The following CASP4 variants were observed in gnomAD, a reference collection of about 807,000 sequenced individuals.
CASP4 encodes caspase-4.
In CASP4, 29 loss-of-function variants were observed where a neutral mutation model predicts 41.3. The ratio of observed to expected loss-of-function variants is 0.70; its 90% CI spans 0.52 to 0.96. The LOEUF is 0.96. Ranked by LOEUF, CASP4 falls within the 40% of genes least tolerant of loss-of-function variation. The pLI is 0.00. For missense variants in CASP4, 447 were observed against 460.6 expected, an observed-to-expected ratio of 0.97 and a Z score of 0.27; for synonymous variants, 185 against 158.4, an observed-to-expected ratio of 1.17 and a Z score of -1.26.
chr11:104,954,244 G>C (rs933928352), intron 2 of CASP4, among the ~76,000 whole-genome samples: 1 of 152,152 alleles, frequency 6.6e-6, no homozygotes, highest in African/African-American at 2.4e-5. Flanking sequence ...TGAATATGTT[G>C]CTAGAGCTAA....
At chr11:104,962,097 C>T (rs554332449) in intron 1 of CASP4, among the ~76,000 whole-genome samples, 90 of 152,174 alleles carry the variant, frequency 5.9e-4, no homozygotes, top group Non-Finnish European at 9.8e-4. Context: ...AAATGGTTCC[C>T]CATGCAGCTG....
chr11:104,946,918 T>G (rs1860474178), intron 7 of CASP4, 165 bp downstream of exon 7: 1 of 546,948 alleles, frequency 1.8e-6, no homozygotes, highest in Non-Finnish European at 3.3e-6. Flanking sequence ...TGGGATATAT[T>G]GGAATTGTCT....
chr11:104,958,179 A>G (rs780235028), intron 1 of CASP4, among the ~76,000 whole-genome samples: 40 of 152,226 alleles, frequency 2.6e-4, no homozygotes, highest in Non-Finnish European at 4.9e-4. Flanking sequence ...CTGTGAAACT[A>G]CTAGAAGAAA....
chr11:104,948,648 G>A lies in CASP4; in HGVS notation c.810C>T (p.Asp270=), dbSNP rs377752984. 5 of 1,608,580 alleles carry A rather than the reference G, an allele frequency of 3.1e-6. No homozygotes were observed. The African/African-American group carries it at 5.3e-5, about 17-fold the overall frequency. ...AGGCCACTTCCAAGGATGCTGGAGA[G>A]TCTCTGACCCACAGTTCCCCACGGT... ...GANRGELWVR[D]SPASLEVASS... is the part of the protein sequence containing the mutation. Residue 270 remains aspartate (D), a synonymous_variant, in exon 6 of 9, where the codon GAC becomes GAT. Transcript: ENST00000444739.
In CASP4 at chr11:104,948,651, T is replaced by C. The variant is rs768988914; in HGVS notation, c.807A>G (p.Arg269=). Residue 269 remains arginine (R), a synonymous_variant, in exon 6 of 9, where the codon AGA becomes AGG. Transcript: ENST00000444739. ...CCACTTCCAAGGATGCTGGAGAGTCTCTGACCCACAGTTCCCCACGGTTTG... is the reference window on the plus strand; with the variant it reads ...CCACTTCCAAGGATGCTGGAGAGTCCCTGACCCACAGTTCCCCACGGTTTG... The part of the protein sequence containing the change: ...RGANRGELWV[R]DSPASLEVAS... The C allele has an allele frequency of 2.5e-6, 4 of 1,608,478 alleles. No individual in the cohort carries two copies. The highest frequency in any genetic ancestry group is 3.4e-6 in the Non-Finnish European group (4 of 1,176,450).
chr11:104,951,808 A>T, intron 3 of CASP4, 88 bp downstream of exon 3: 1 of 858,924 alleles, frequency 1.2e-6, no homozygotes, highest in South Asian at 1.4e-5. Flanking sequence ...CCCCACCCCC[A>T]ATCATTTAGT....
chr11:104,968,514 C>T lies in CASP4; in HGVS notation c.7+5G>A. ...TCCCAAACTCCTAGTCAGAAAAGGA[C>T]TCACCTGCCATAGGGAACAGCCTCT... is the stretch of plus-strand genomic sequence containing the variant. On this transcript the variant is annotated splice_donor_5th_base_variant and intron_variant, in intron 1 of 8. Coordinates refer to ENST00000444739, the MANE Select transcript of CASP4 (RefSeq NM_001225.4). 1.2e-6 allele frequency: 2 copies of T among 1,612,826 alleles called. No individual in the cohort carries two copies. The highest frequency in any genetic ancestry group is 1.7e-6 in the Non-Finnish European group (2 of 1,178,906).
chr11:104,947,256 TG>T (rs1174565752), intron 6 of CASP4, 64 bp from the exon 7 acceptor site: 131 of 1,011,746 alleles, frequency 1.3e-4, no homozygotes, highest in Non-Finnish European at 1.7e-4. Flanking sequence ...TTCATATTTT[TG>T]TTTTGAGAAT....
chr11:104,948,702 A>G (rs951282650), intron 5 of CASP4, 26 bp from the exon 6 acceptor site: 1 of 1,553,894 alleles, frequency 6.4e-7, no homozygotes, highest in Non-Finnish European at 8.7e-7. Context: ...CTTTCTGCAC[A>G]CTGCTGTGCC....
chr11:104,943,194 T>C, intron 8 of CASP4: 1 of 319,688 alleles, frequency 3.1e-6, no homozygotes, highest in Non-Finnish European at 6.1e-6. Flanking sequence ...AGGCTTCCTG[T>C]CTCGCTCAGA....
chr11:104,950,660 C>T (rs1476679477), intron 4 of CASP4, among the ~76,000 whole-genome samples: 1 of 152,044 alleles, frequency 6.6e-6, no homozygotes, highest in Non-Finnish European at 1.5e-5. Context: ...GGGGCTGCAT[C>T]CCAATCACAT....
At position 104,953,182 on chromosome 11, in the gene CASP4, T is replaced by G. The variant is rs571052412; in HGVS notation, c.263-1177A>C. 2.0e-5 allele frequency among the ~76,000 whole-genome samples: 3 copies of G among 152,246 alleles called. No homozygotes were observed. In the South Asian group the frequency reaches 6.2e-4, roughly 32 times the overall value. The stretch of plus-strand genomic sequence containing the variant: ...TAGTACATATTATACTGCAGACTGC[T>G]GCCCAAAGAGAGCTGGATACACTCT... On this transcript the variant is annotated intron_variant, in intron 2 of 8. Coordinates refer to ENST00000444739, the MANE Select transcript of CASP4 (RefSeq NM_001225.4).
Position 104,954,770 on chromosome 11 carries a change from T to C in CASP4, c.239A>G (p.Asp80Gly). The change falls in exon 2 of 9, where the codon GAC becomes GGC. Residue 80 changes from aspartate to glycine, a missense_variant. Coordinates refer to ENST00000444739, the MANE Select transcript of CASP4 (RefSeq NM_001225.4). ...ACCTTTTTTATTGGGGGATATTTGG[T>C]CTATGTTAAAAAAGGTTTGAAGAAG... ...QMLLQTFFNIDQISPNKKAHP... is the reference protein window; with the variant it reads ...QMLLQTFFNIGQISPNKKAHP... The C allele has an allele frequency of 6.2e-7, 1 of 1,613,312 alleles. No homozygotes were observed. Among genetic ancestry groups the C allele is most frequent in the Non-Finnish European group, 8.5e-7 (1 of 1,179,546 alleles).
At chr11:104,964,053 T>C (rs74358305) in intron 1 of CASP4, among the ~76,000 whole-genome samples, 4,109 of 152,308 alleles carry the variant, frequency 0.027, 176 homozygotes, top group African/African-American at 0.087. Flanking sequence ...TAAAATTTAC[T>C]GTACATTATT....
chr11:104,966,200 C>A (rs1476527255), intron 1 of CASP4, among the ~76,000 whole-genome samples: 1 of 152,200 alleles, frequency 6.6e-6, no homozygotes, highest in Non-Finnish European at 1.5e-5. Flanking sequence ...GCAAGGTGAA[C>A]CCACCTGGTG....
intron 1 of CASP4, among the ~76,000 whole-genome samples, chr11:104,958,626 A>T (rs1860789136): frequency 6.6e-6 from 1 of 152,076 alleles, no homozygotes; most frequent in African/African-American, 2.4e-5. Flanking sequence ...CAAATGGTGG[A>T]GAGGATGTAG....
intron 8 of CASP4, chr11:104,944,036 A>T (rs1860389287): frequency 6.6e-6 from 1 of 152,238 alleles, no homozygotes. Context: ...TATTTTGGTC[A>T]AAATAATAAC....
Position 104,945,297 on chromosome 11 carries a change from G to A in CASP4, c.1036-446C>T, listed in dbSNP as rs188188324. 4.5e-3 allele frequency among the ~76,000 whole-genome samples: 658 copies of A among 147,330 alleles called. 6 individuals carry two copies. Among genetic ancestry groups the A allele is most frequent in the African/African-American group, 0.016 (635 of 39,714 alleles). ...AGATGGAGTCTTGCACTGTTGCCTA[G>A]GCTGGAGTGCAATGGTGCAACCTCG... On this transcript the variant is annotated intron_variant, in intron 7 of 8. Transcript: ENST00000444739.
intron 6 of CASP4, 200 bp from the exon 7 acceptor site, chr11:104,947,392 G>A (rs567395303): frequency 2.7e-6 from 1 of 367,400 alleles, no homozygotes. Flanking sequence ...GTGATCAAAA[G>A]TTGCAGTTGG....
Sources: gnomAD v4.1 joint callset for allele counts (sites outside exome capture counted in the v4.1 genomes callset) on GRCh38, gnomAD v4.1.1 for gene constraint, MANE v1.5 for transcripts, NCBI Gene and HGNC (gene_info 2026-07-23, HGNC 2026-07-21) for gene names.